Variants in ZBTB41 observed in about 807,000 individuals in gnomAD.
The protein encoded by ZBTB41 is zinc finger and BTB domain containing 41.
A neutral mutation model predicts 87.6 loss-of-function variants in ZBTB41; 42 were observed. The ratio of observed to expected loss-of-function variants is 0.48; its 90% confidence interval spans 0.37 to 0.62. The LOEUF (loss-of-function observed/expected upper bound fraction) is 0.62, where lower values mean the gene tolerates loss of function less well. Among genes scored for constraint, ZBTB41 ranks in the 20% least tolerant of loss-of-function variants. The pLI is 0.00. For synonymous variants in ZBTB41, 364 were observed against 364.0 expected, an observed-to-expected ratio of 1.00 and a Z score of 0.00; for missense variants, 799 against 1,078.9, an observed-to-expected ratio of 0.74 and a Z score of 3.63.
At chr1:197,169,246 A>G (rs1399980398) in intron 10 of ZBTB41, among the ~76,000 whole-genome samples, 1 of 152,020 alleles carries the variant, frequency 6.6e-6, no homozygotes, top group Non-Finnish European at 1.5e-5. Flanking sequence ...AAGAGAAAAG[A>G]ATGCATATGT....
chr1:197,157,819 AATTG>A lies in ZBTB41; in HGVS notation c.*1536_*1539del, dbSNP rs574714666. ...TTCAGCGACAGTTTCCGCCATTACT[AATTG>A]ATTAAACTTTATTCATTAAAACTTC... On this transcript the variant is annotated 3_prime_UTR_variant, in exon 11 of 11. Coordinates refer to ENST00000367405, the MANE Select transcript of ZBTB41 (RefSeq NM_194314.3). 95 of 152,426 alleles carry A rather than the reference AATTG, an allele frequency of 6.2e-4. No homozygotes were observed. Among genetic ancestry groups the A allele is most frequent in the African/African-American group, 2.2e-3 (90 of 41,540 alleles). 9.4% of individuals were successfully genotyped at this position (152,426 alleles called of 1,614,324 possible).
intron 7 of ZBTB41, 46 bp downstream of exon 7, chr1:197,178,371 T>G (rs1659662306): frequency 1.6e-6 from 2 of 1,280,694 alleles, no homozygotes; most frequent in Middle Eastern, 2.2e-4. Flanking sequence ...AAAATAGAGA[T>G]ATAATTCTAT....
chr1:197,191,252 G>A (rs1272888866), intron 3 of ZBTB41, among the ~76,000 whole-genome samples: 1 of 151,920 alleles, frequency 6.6e-6, no homozygotes, highest in Non-Finnish European at 1.5e-5. Context: ...TTGAGCCTAG[G>A]AGTTTGAGAC....
At chr1:197,170,097 C>G (rs1212278126) in intron 10 of ZBTB41, among the ~76,000 whole-genome samples, 1 of 151,848 alleles carries the variant, frequency 6.6e-6, no homozygotes, top group Admixed American at 6.6e-5. Context: ...GTGTACTGAA[C>G]TGGCCAAAAC....
intron 3 of ZBTB41, 58 bp downstream of exon 3, chr1:197,191,634 C>A: frequency 7.1e-7 from 1 of 1,400,444 alleles, no homozygotes; most frequent in Admixed American, 2.3e-5. Context: ...TTTAGCTTTC[C>A]ACATATTTAA....
chr1:197,177,300 CTCTT>C (rs1019248816), intron 7 of ZBTB41, among the ~76,000 whole-genome samples: 5 of 152,118 alleles, frequency 3.3e-5, no homozygotes, highest in Admixed American at 2.6e-4. Context: ...CCCCTACTCT[CTCTT>C]TCTCCTGCTT....
chr1:197,168,289 G>A lies in ZBTB41; in HGVS notation c.2074+3871C>T, dbSNP rs143855114. ...GAGGTGTTCACAGACTGGATAATAC[G>A]ATGTTATAAAAAAAATCAGTTAAGG... On this transcript the variant is annotated intron_variant, in intron 10 of 10. Coordinates refer to ENST00000367405, the MANE Select transcript of ZBTB41 (RefSeq NM_194314.3). Among the ~76,000 whole-genome samples, 902 of 151,930 alleles carry A rather than the reference G, an allele frequency of 5.9e-3. 13 individuals carry two copies. The highest frequency in any genetic ancestry group is 0.021 in the African/African-American group (864 of 41,456).
At chr1:197,178,649 T>A in intron 6 of ZBTB41, 137 bp from the exon 7 acceptor site, 1 of 545,656 alleles carries the variant, frequency 1.8e-6, no homozygotes, top group Non-Finnish European at 3.0e-6. Context: ...ATAATTTTGT[T>A]CTTTTCTATT....
At chr1:197,168,181 GGCATAAATCTAAT>G (rs1659395289) in intron 10 of ZBTB41, among the ~76,000 whole-genome samples, 1 of 151,802 alleles carries the variant, frequency 6.6e-6, no homozygotes, top group South Asian at 2.1e-4. Flanking sequence ...CAAATACCTA[GGCATAAATCTAAT>G]GCAAAATGTG....
Position 197,191,907 on chromosome 1 carries a change from AAAAGAAAAATT to A in ZBTB41, c.1121-19_1121-9del. The A allele has an allele frequency of 2.6e-6, 4 of 1,561,470 alleles. No individual in the cohort carries two copies. The highest frequency in any genetic ancestry group is 3.5e-6 in the Non-Finnish European group (4 of 1,157,094). ...TGTGGCTCTCATATTTTCCTATAAAAAAAGAAAAATTAAAATTAAATTTAGTACATTTGCTA... is the reference window on the plus strand; with the variant it reads ...TGTGGCTCTCATATTTTCCTATAAAAAAAATTAAATTTAGTACATTTGCTA... On this transcript the variant is annotated splice_polypyrimidine_tract_variant and intron_variant, in intron 2 of 10. Coordinates refer to ENST00000367405, the MANE Select transcript of ZBTB41 (RefSeq NM_194314.3).
At chr1:197,196,220 T>C (rs553616094) in intron 2 of ZBTB41, among the ~76,000 whole-genome samples, 69 of 152,276 alleles carry the variant, frequency 4.5e-4, no homozygotes, top group African/African-American at 1.6e-3. Flanking sequence ...GGAATGTGGA[T>C]GATATGAGAA....
Position 197,200,325 on chromosome 1 carries a change from C to A in ZBTB41, c.149G>T (p.Cys50Phe). The change falls in exon 2 of 11, where the codon TGT becomes TTT. Residue 50 changes from cysteine to phenylalanine, a missense_variant. Transcript: ENST00000367405. ...AGRPTPEALH[C>F]YQELPPSPDQ... ...TGGAGAGGGAGGAAGTTCCTGGTAA[C>A]AGTGAAGAGCTTCAGGAGTTGGTCT... The A allele has an allele frequency of 6.2e-7, 1 of 1,614,164 alleles. No individual in the cohort carries two copies. Among genetic ancestry groups the A allele is most frequent in the South Asian group, 1.1e-5 (1 of 91,078 alleles).
Position 197,172,171 on chromosome 1 carries a change from C to T in ZBTB41, c.2063G>A (p.Arg688Gln), listed in dbSNP as rs868581053. 2.1e-6 allele frequency: 3 copies of T among 1,409,138 alleles called. No homozygotes were observed. The highest frequency in any genetic ancestry group is 1.9e-5 in the South Asian group (1 of 53,368). The allele number at this position is 1,409,138 out of a possible 1,614,324, so 87.3% of individuals were successfully genotyped here. ...KGKSSLEMHFRTHSGEKPYKC... is the reference protein window; with the variant it reads ...KGKSSLEMHFQTHSGEKPYKC... ...TCATTAAATTTTACCTGAATGCGTT[C>T]GAAAATGCATTTCCAGACTTGATTT... Residue 688 changes from arginine to glutamine, a missense_variant, in exon 10 of 11, where the codon CGA becomes CAA. Arg to Gln is a conservative substitution (Grantham distance 43, BLOSUM62 1). Around this residue, in one of 5 missense-constraint regions of ZBTB41, gnomAD observed 198 missense variants for 358.4 expected, o/e 0.55. Transcript: ENST00000367405.
At position 197,159,732 on chromosome 1, in the gene ZBTB41, T is replaced by A. The variant is rs759800917; in HGVS notation, c.2357A>T (p.Asp786Val). Residue 786 changes from aspartate (D) to valine (V), a missense_variant, in exon 11 of 11, where the codon GAC becomes GTC. By Grantham distance (152) the Asp-to-Val change is radical. Coordinates refer to ENST00000367405, the MANE Select transcript of ZBTB41 (RefSeq NM_194314.3). ...TTCCGACTGATAAACTTTGGGCTGG[T>A]CCATATATTGTTTTGTTTCTGTTTG... ...IFQTETKQYMDQPKVYQSEAK... is the reference protein window; with the variant it reads ...IFQTETKQYMVQPKVYQSEAK... 6.2e-7 allele frequency: 1 copy of A among 1,613,878 alleles called. No homozygotes were observed. The highest frequency in any genetic ancestry group is 8.5e-7 in the Non-Finnish European group (1 of 1,179,936).
At chr1:197,192,348 T>G (rs1660056791) in intron 2 of ZBTB41, among the ~76,000 whole-genome samples, 1 of 152,236 alleles carries the variant, frequency 6.6e-6, no homozygotes, top group Non-Finnish European at 1.5e-5. Context: ...GCTCTCTAAA[T>G]AGAGGGTTAC....
In ZBTB41 at chr1:197,181,022, T is replaced by C. The variant is rs1409891708; in HGVS notation, c.1642A>G (p.Thr548Ala). Reference protein sequence around the residue: ...ECTHGGKRKWTCFICGKSVRE... With the variant: ...ECTHGGKRKWACFICGKSVRE... ...ACTGATTTTCCACAGATAAAGCAAG[T>C]CCATTTTCTCTTTCCACCATGAGTA... The change falls in exon 6 of 11, where the codon ACT becomes GCT. Residue 548 changes from threonine to alanine, a missense_variant. Thr to Ala is a moderately conservative substitution (Grantham distance 58, BLOSUM62 0). Transcript: ENST00000367405. The C allele has an allele frequency of 1.2e-6, 2 of 1,600,570 alleles. No homozygotes were observed. Among genetic ancestry groups the C allele is most frequent in the Non-Finnish European group, 1.7e-6 (2 of 1,176,826 alleles).
intron 8 of ZBTB41, 53 bp from the exon 9 acceptor site, chr1:197,175,168 TC>T: frequency 6.8e-7 from 1 of 1,476,162 alleles, no homozygotes; most frequent in Non-Finnish European, 9.3e-7. Flanking sequence ...CAGGTTTTTA[TC>T]CCCAGAAACA....
chr1:197,168,262 T>C (rs1333669608), intron 10 of ZBTB41, among the ~76,000 whole-genome samples: 1 of 152,048 alleles, frequency 6.6e-6, no homozygotes, highest in African/African-American at 2.4e-5. Flanking sequence ...AACAAATTAA[T>C]GGAGGTGTTC....
rs1659084303 is a variant in ZBTB41, at chr1:197,157,133, C to A, written c.*2226G>T. The A allele has an allele frequency of 6.6e-6, 1 of 151,868 alleles. No individual in the cohort carries two copies. The highest frequency in any genetic ancestry group is 6.6e-5 in the Admixed American group (1 of 15,198). 9.4% of individuals were successfully genotyped at this position (151,868 alleles called of 1,614,324 possible). A position where few individuals can be genotyped will look rare whatever the true frequency, so the allele number is the denominator to read the frequency against. On this transcript the variant is annotated 3_prime_UTR_variant, in exon 11 of 11. Coordinates refer to ENST00000367405, the MANE Select transcript of ZBTB41 (RefSeq NM_194314.3). ...ATTTCACTTTACTAAGAGATGTATT[C>A]CAAAAAAGTTCTGTGTAAACCAATT...
Sources: gnomAD v4.1 joint callset for allele counts (sites outside exome capture counted in the v4.1 genomes callset) on GRCh38, gnomAD v4.1.1 for gene constraint, gnomAD v4.1.1 regional missense constraint, MANE v1.5 for transcripts, NCBI Gene and HGNC (gene_info 2026-07-23, HGNC 2026-07-21) for gene names.